The following RAPGEF2 variants were observed in gnomAD, a reference collection of about 807,000 sequenced individuals.
The protein encoded by RAPGEF2 is Rap guanine nucleotide exchange factor 2.
A neutral mutation model predicts 186.7 loss-of-function variants in RAPGEF2; 54 were observed. That is an observed-to-expected ratio of 0.29 (90% confidence interval 0.23 to 0.36). RAPGEF2 has a LOEUF of 0.36. RAPGEF2 is among the 10% of genes least tolerant of loss of function. The pLI is 1.00. For missense variants in RAPGEF2, 1,532 were observed against 2,045.0 expected (o/e 0.75, Z 4.84); for synonymous variants, 712 against 705.9 (o/e 1.01, Z -0.14).
At chr4:159,293,035 A>G (rs974126226) in intron 7 of RAPGEF2, among the ~76,000 whole-genome samples, 4 of 152,118 alleles carry the variant, frequency 2.6e-5, no homozygotes, top group African/African-American at 9.7e-5. Flanking sequence ...ACTTTACACA[A>G]AGACAAATAT....
At chr4:159,332,340 A>G (rs1766802173) in intron 16 of RAPGEF2, 111 bp from the exon 17 acceptor site, 1 of 1,169,324 alleles carries the variant, frequency 8.6e-7, no homozygotes, top group East Asian at 2.4e-5. Flanking sequence ...TGCAGTTTTG[A>G]TAACTGAAGT....
At chr4:159,262,812 T>C (rs1326337996) in intron 7 of RAPGEF2, among the ~76,000 whole-genome samples, 1 of 147,434 alleles carries the variant, frequency 6.8e-6, no homozygotes, top group Non-Finnish European at 1.5e-5. Flanking sequence ...ACATAAACAG[T>C]TTGCCGTCAG....
rs199989886 is a variant in RAPGEF2 at position 159,355,999 on chromosome 4, G to T, written c.4798G>T (p.Ala1600Ser). The T allele has an allele frequency of 1.2e-6, 2 of 1,613,210 alleles. No homozygotes were observed. Among genetic ancestry groups the T allele is most frequent in the Non-Finnish European group, 1.7e-6 (2 of 1,179,842 alleles). ...GGCCCTTCAGAGATCGCGGATGGTC[G>T]CACGATCCTCCGACACAGCTGGGCC... is the stretch of plus-strand genomic sequence containing the variant. ...NVALQRSRMV[A>S]RSSDTAGPSS... Residue 1600 changes from alanine to serine, a missense_variant, in exon 29 of 30, where the codon GCA (alanine) becomes TCA (serine). Ala to Ser is a moderately conservative substitution (Grantham distance 99, BLOSUM62 1). Transcript: ENST00000691494.
At chr4:159,145,251 A>G (rs1485754418) in intron 1 of RAPGEF2, among the ~76,000 whole-genome samples, 2 of 152,068 alleles carry the variant, frequency 1.3e-5, no homozygotes, top group African/African-American at 2.4e-5. Flanking sequence ...TTTGCCTAAT[A>G]CAGTTGTCAA....
At chr4:159,336,156 TA>T (rs1297505373) in intron 17 of RAPGEF2, among the ~76,000 whole-genome samples, 76 of 87,086 alleles carry the variant, frequency 8.7e-4, no homozygotes, top group African/African-American at 5.6e-3. Flanking sequence ...AAATTGTCTT[TA>T]TTTTTTTTTT....
intron 1 of RAPGEF2, among the ~76,000 whole-genome samples, chr4:159,129,485 A>G (rs536759037): frequency 1.3e-5 from 2 of 152,370 alleles, no homozygotes; most frequent in East Asian, 1.9e-4. Context: ...TGTGCCAGAA[A>G]GTCACCTAGA....
chr4:159,156,505 T>G (rs1744137534), intron 1 of RAPGEF2, among the ~76,000 whole-genome samples: 1 of 152,170 alleles, frequency 6.6e-6, no homozygotes, highest in Non-Finnish European at 1.5e-5. Context: ...AAATTATACT[T>G]TAAGTTCTAG....
At chr4:159,141,608 T>C (rs1742345413) in intron 1 of RAPGEF2, among the ~76,000 whole-genome samples, 1 of 151,870 alleles carries the variant, frequency 6.6e-6, no homozygotes, top group South Asian at 2.1e-4. Context: ...ATATATATTT[T>C]TTAACATTTT....
intron 29 of RAPGEF2, 122 bp from the exon 30 acceptor site, chr4:159,357,992 A>G: frequency 1.0e-6 from 1 of 959,190 alleles, no homozygotes; most frequent in South Asian, 2.0e-5. Context: ...ATTCTAAGTG[A>G]GCTATACTAA....
intron 1 of RAPGEF2, among the ~76,000 whole-genome samples, chr4:159,113,530 C>T (rs922448138): frequency 3.3e-5 from 5 of 151,900 alleles, no homozygotes; most frequent in African/African-American, 9.7e-5. Context: ...CACCTGAAGT[C>T]GGGAATTCGA....
chr4:159,140,298 A>T (rs1199662269), intron 1 of RAPGEF2, among the ~76,000 whole-genome samples: 2 of 152,198 alleles, frequency 1.3e-5, no homozygotes, highest in Admixed American at 1.3e-4. Context: ...ACATATATTT[A>T]TTCAAGAAAG....
At position 159,201,765 on chromosome 4, in the gene RAPGEF2, G is replaced by A. The variant is rs78784316; in HGVS notation, c.197+8509G>A. Among the ~76,000 whole-genome samples the A allele has an allele frequency of 9.2e-3, 1,406 of 152,292 alleles. 18 individuals are homozygous for A. The highest frequency in any genetic ancestry group is 0.032 in the African/African-American group (1,343 of 41,558). Reference sequence around the variant, plus strand: ...TTGGTTGGAGGGTGTTGGTGAGACCGCAGATACAGGAAAATAAAGGTGTTT... The same window carrying A: ...TTGGTTGGAGGGTGTTGGTGAGACCACAGATACAGGAAAATAAAGGTGTTT... On this transcript the variant is annotated intron_variant, in intron 3 of 29. Transcript: ENST00000691494.
chr4:159,185,825 C>T (rs910375127), intron 1 of RAPGEF2, among the ~76,000 whole-genome samples: 12 of 152,096 alleles, frequency 7.9e-5, no homozygotes, highest in African/African-American at 2.9e-4. Context: ...GTAAATAAAG[C>T]TGTTAACACT....
At chr4:159,211,855 T>C (rs1326294067) in intron 4 of RAPGEF2, among the ~76,000 whole-genome samples, 1 of 152,190 alleles carries the variant, frequency 6.6e-6, no homozygotes, top group East Asian at 1.9e-4. Flanking sequence ...TGCCTGCTTG[T>C]TTCTGTAGTA....
chr4:159,274,706 T>C (rs941020166), intron 7 of RAPGEF2, among the ~76,000 whole-genome samples: 4 of 152,176 alleles, frequency 2.6e-5, no homozygotes, highest in Non-Finnish European at 4.4e-5. Context: ...ATTAGTATTG[T>C]CTTAGGTATT....
intron 7 of RAPGEF2, among the ~76,000 whole-genome samples, chr4:159,255,962 A>C (rs1373357021): frequency 6.6e-6 from 1 of 152,190 alleles, no homozygotes. Flanking sequence ...GCTCTAAGAC[A>C]ATCTTTTAGT....
intron 2 of RAPGEF2, among the ~76,000 whole-genome samples, chr4:159,192,981 A>G (rs1279265683): frequency 6.6e-6 from 1 of 152,232 alleles, no homozygotes; most frequent in Non-Finnish European, 1.5e-5. Context: ...TTGACATCTT[A>G]CTAGATATTT....
chr4:159,268,322 G>C (rs1757686065), intron 7 of RAPGEF2: 2 of 928,634 alleles, frequency 2.2e-6, no homozygotes, highest in East Asian at 2.6e-5. Flanking sequence ...TTTGTAGAAG[G>C]TATAGTAGTC....
rs1553991869 is a variant in RAPGEF2, at chr4:159,104,553, A to AGAGAGAGT, written c.69+323_69+324insAGAGAGTG. ...GAGAGACAGAGAGAGAGAGAGAGAG[A>AGAGAGAGT]GTGTGTGTGTGTGTGTGTATGTGTG... On this transcript the variant is annotated intron_variant, in intron 1 of 29. Coordinates refer to ENST00000691494, the MANE Select transcript of RAPGEF2 (RefSeq NM_001394067.2). 7.9e-4 allele frequency among the ~76,000 whole-genome samples: 108 copies of AGAGAGAGT among 136,026 alleles called. 1 individual carries two copies. Among genetic ancestry groups the AGAGAGAGT allele is most frequent in the African/African-American group, 3.0e-3 (104 of 34,136 alleles). The allele number at this position is 136,026 out of a possible 152,430, so 89.2% of individuals were successfully genotyped here.
Sources: gnomAD v4.1 joint callset for allele counts (sites outside exome capture counted in the v4.1 genomes callset) on GRCh38, gnomAD v4.1.1 for gene constraint, MANE v1.5 for transcripts, NCBI Gene and HGNC (gene_info 2026-07-23, HGNC 2026-07-21) for gene names.